CEP192: variants seen among roughly 807,000 people sequenced by gnomAD.
CEP192 encodes the protein centrosomal protein of 192 kDa.
In CEP192, 151 loss-of-function variants were observed where a neutral mutation model predicts 271.8. The observed-to-expected ratio is 0.56, with a 90% CI of 0.49 to 0.64. The LOEUF (loss-of-function observed/expected upper bound fraction) is 0.64, where lower values mean the gene tolerates loss of function less well. CEP192 is among the 30% of genes least tolerant of loss of function. The pLI is 0.00. For synonymous variants in CEP192, 995 were observed against 1,076.5 expected (o/e 0.92, Z 1.48); for missense variants, 2,910 against 3,020.5 (o/e 0.96, Z 0.86).
In CEP192 at chr18:13,015,188, C is replaced by G. The variant is rs989597885; in HGVS notation, c.520-140C>G. On this transcript the variant is annotated intron_variant, in intron 5 of 44. Transcript: ENST00000506447. ...TTATTAATACATGTACAATTGCTAG[C>G]CCTTTATTGCCTAAGCTGTGATTTA... is the stretch of plus-strand genomic sequence containing the variant. The G allele has an allele frequency of 9.6e-6, 7 of 731,690 alleles. No individual in the cohort carries two copies. In the Admixed American group the frequency reaches 9.8e-5, roughly 10 times the overall value. 45.3% of individuals were successfully genotyped at this position (731,690 alleles called of 1,614,324 possible). A position where few individuals can be genotyped will look rare whatever the true frequency, so the allele number is the denominator to read the frequency against.
intron 11 of CEP192, among the ~76,000 whole-genome samples, chr18:13,035,716 A>G (rs1392893242): frequency 6.6e-6 from 1 of 152,268 alleles, no homozygotes; most frequent in East Asian, 1.9e-4. Flanking sequence ...AGTGGTTTTT[A>G]ACTTAGCTTG....
chr18:13,024,163 T>A (rs2035154087), intron 9 of CEP192, among the ~76,000 whole-genome samples: 1 of 152,240 alleles, frequency 6.6e-6, no homozygotes, highest in South Asian at 2.1e-4. Flanking sequence ...TGTATTTTGA[T>A]GCTGTCTTGT....
At chr18:13,102,721 T>A (rs150523666) in intron 38 of CEP192, among the ~76,000 whole-genome samples, 1 of 152,344 alleles carries the variant, frequency 6.6e-6, no homozygotes, top group African/African-American at 2.4e-5. Flanking sequence ...CTCGGATCCC[T>A]TGCTGACTCC....
intron 6 of CEP192, among the ~76,000 whole-genome samples, chr18:13,016,688 G>A (rs1442126485): frequency 2.0e-5 from 3 of 152,188 alleles, no homozygotes; most frequent in African/African-American, 7.2e-5. Flanking sequence ...TGCCAACTTA[G>A]AAGACCATGA....
At chr18:13,002,925 G>A (rs1260784875) in intron 3 of CEP192, among the ~76,000 whole-genome samples, 1 of 152,096 alleles carries the variant, frequency 6.6e-6, no homozygotes, top group African/African-American at 2.4e-5. Context: ...GTTAACCCTT[G>A]TGTATTCATT....
At chr18:13,033,428 A>G (rs2035743595) in intron 11 of CEP192, among the ~76,000 whole-genome samples, 1 of 152,144 alleles carries the variant, frequency 6.6e-6, no homozygotes, top group Admixed American at 6.5e-5. Context: ...TTGGTGATAA[A>G]ACTGTCTTAG....
chr18:13,042,112 G>T, intron 14 of CEP192, 92 bp from the exon 15 acceptor site: 1 of 1,018,532 alleles, frequency 9.8e-7, no homozygotes, highest in South Asian at 1.7e-5. Context: ...ATCTTCCTTG[G>T]TAAATTAGTC....
intron 26 of CEP192, 62 bp downstream of exon 26, chr18:13,069,243 T>G (rs2037880410): frequency 7.3e-7 from 1 of 1,373,858 alleles, no homozygotes; most frequent in South Asian, 1.2e-5. Flanking sequence ...AGCTCCTTGC[T>G]TTCTGCAGGC....
At chr18:13,069,587 A>G (rs2037899016) in intron 26 of CEP192, 151 bp from the exon 27 acceptor site, 1 of 630,922 alleles carries the variant, frequency 1.6e-6, no homozygotes, top group Non-Finnish European at 2.8e-6. Flanking sequence ...ATCCTTTCCA[A>G]GAGAATAGGA....
At chr18:13,097,133 A>C in intron 36 of CEP192, among the ~76,000 whole-genome samples, 1 of 152,198 alleles carries the variant, frequency 6.6e-6, no homozygotes, top group East Asian at 1.9e-4. Context: ...CAGAGCAGTC[A>C]GTTTGGCATG....
chr18:13,102,230 C>T (rs1035500920), intron 38 of CEP192, among the ~76,000 whole-genome samples: 1 of 152,156 alleles, frequency 6.6e-6, no homozygotes, highest in Middle Eastern at 3.4e-3. Flanking sequence ...TTGCCTTACA[C>T]GTGAAAAATA....
chr18:13,096,162 T>C lies in CEP192; in HGVS notation c.6434-22T>C, dbSNP rs922828101. On this transcript the variant is annotated intron_variant, in intron 35 of 44. Coordinates refer to ENST00000506447, the MANE Select transcript of CEP192 (RefSeq NM_032142.4). ...TCACTGTTGTTAAATGTAAGTCACA[T>C]TTTATGTATCTGACAAAATAGGTGA... The C allele has an allele frequency of 2.5e-6, 4 of 1,611,988 alleles. No individual in the cohort carries two copies. In the African/African-American group the frequency reaches 4.0e-5, roughly 16 times the overall value.
At chr18:13,093,823 C>A (rs2039262318) in intron 34 of CEP192, among the ~76,000 whole-genome samples, 1 of 152,230 alleles carries the variant, frequency 6.6e-6, no homozygotes, top group African/African-American at 2.4e-5. Context: ...AGAGCAGATA[C>A]ATCTTGCAAA....
At chr18:13,083,997 G>C (rs944591467) in intron 30 of CEP192, among the ~76,000 whole-genome samples, 1 of 152,058 alleles carries the variant, frequency 6.6e-6, no homozygotes, top group Non-Finnish European at 1.5e-5. Context: ...TGGCAGCTTC[G>C]TCCCAGAGGG....
intron 44 of CEP192, among the ~76,000 whole-genome samples, chr18:13,120,794 T>TA (rs1266953341): frequency 2.0e-5 from 3 of 152,252 alleles, no homozygotes; most frequent in African/African-American, 4.8e-5. Context: ...GCAATAGCTT[T>TA]AATAGCAGCA....
chr18:13,056,105 AGTCAG>A lies in CEP192; in HGVS notation c.3519_3523del (p.Gly1174GlufsTer20). 1 of 1,613,470 alleles carries A rather than the reference AGTCAG, an allele frequency of 6.2e-7. No individual in the cohort carries two copies. The highest frequency in any genetic ancestry group is 8.5e-7 in the Non-Finnish European group (1 of 1,179,618). On this transcript the variant is annotated frameshift_variant, in exon 19 of 45. Transcript: ENST00000506447. LOFTEE classifies it high-confidence loss of function. ...CCGATCAGGCTGGCTCTCCTGGGCAAGTCAGGTCTGAGCTGTCAGGTGGGGTCAGC... is the reference window on the plus strand; with the variant it reads ...CCGATCAGGCTGGCTCTCCTGGGCAAGTCTGAGCTGTCAGGTGGGGTCAGC...
rs7234334 is a variant in CEP192, at chr18:13,111,282, G to A, written c.7048-2304G>A. Among the ~76,000 whole-genome samples the A allele has an allele frequency of 4.2e-3, 635 of 152,204 alleles. 2 individuals are homozygous for A. Among genetic ancestry groups the A allele is most frequent in the Middle Eastern group, 0.01 (3 of 292 alleles). ...TGGGACTACAGGTGCCCACCACCACGCCTGGCTAATTTTTTGTATTTTTAG... is the reference window on the plus strand; with the variant it reads ...TGGGACTACAGGTGCCCACCACCACACCTGGCTAATTTTTTGTATTTTTAG... On this transcript the variant is annotated intron_variant, in intron 40 of 44. Transcript: ENST00000506447.
At chr18:13,103,839 A>T (rs1023072402) in intron 39 of CEP192, 2 of 565,310 alleles carry the variant, frequency 3.5e-6, no homozygotes, top group African/African-American at 3.7e-5. Flanking sequence ...ACAGGTGTGC[A>T]CCACCATGTC....
chr18:13,068,354 T>G lies in CEP192; in HGVS notation c.4759-5T>G, dbSNP rs759959356. On this transcript the variant is annotated splice_polypyrimidine_tract_variant and splice_region_variant and intron_variant, in intron 23 of 44. Transcript: ENST00000506447. ...TTAAGACAAATTTTTCTTTTAATTTTATAGGATCCAGAATTTCTGATGATT... is the reference window on the plus strand; with the variant it reads ...TTAAGACAAATTTTTCTTTTAATTTGATAGGATCCAGAATTTCTGATGATT... The G allele has an allele frequency of 4.3e-6, 7 of 1,611,126 alleles. No individual in the cohort carries two copies. In the Admixed American group the frequency reaches 1.0e-4, roughly 23 times the overall value.
Sources: gnomAD v4.1 joint callset for allele counts (sites outside exome capture counted in the v4.1 genomes callset) on GRCh38, gnomAD v4.1.1 for gene constraint, MANE v1.5 for transcripts, NCBI Gene and HGNC (gene_info 2026-07-23, HGNC 2026-07-21) for gene names.